ISLR2: variants seen among roughly 807,000 people sequenced by gnomAD.
ISLR2 encodes the protein immunoglobulin superfamily containing leucine rich repeat 2.
A neutral mutation model predicts 25.5 loss-of-function variants in ISLR2; 16 were observed. That is an observed-to-expected ratio of 0.63 (90% CI 0.43 to 0.95). The LOEUF is 0.95. Ranked by LOEUF, ISLR2 falls within the 40% of genes least tolerant of loss-of-function variation. The pLI, the probability that ISLR2 is intolerant of heterozygous loss-of-function variation, is 0.00. For missense variants in ISLR2, 883 were observed against 1,030.7 expected, an observed-to-expected ratio of 0.86 and a Z score of 1.96; for synonymous variants, 508 against 486.6, an observed-to-expected ratio of 1.04 and a Z score of -0.58.
chr15:74,120,599 G>A (rs775343097), intron 2 of ISLR2, among the ~76,000 whole-genome samples: 10 of 151,888 alleles, frequency 6.6e-5, no homozygotes, highest in African/African-American at 1.9e-4. Flanking sequence ...CTGGGTTTAC[G>A]GTGGTGCACT....
At position 74,133,922 on chromosome 15, in the gene ISLR2, G is replaced by A. The variant is rs1429763073; in HGVS notation, c.1168G>A (p.Gly390Arg). Residue 390 changes from glycine to arginine, a missense_variant, in exon 3 of 3, where the codon GGA becomes AGA. Gly to Arg is a moderately radical substitution (Grantham distance 125). Transcript: ENST00000453268. ...HAPGAGGEPDGQAPTSERKST... is the reference protein window; with the variant it reads ...HAPGAGGEPDRQAPTSERKST... ...GCCTGGCGCCGGGGGAGAACCCGAC[G>A]GACAGGCCCCGACCTCTGAGCGCAA... The A allele has an allele frequency of 1.2e-6, 2 of 1,603,888 alleles. No homozygotes were observed. Among genetic ancestry groups the A allele is most frequent in the African/African-American group, 1.3e-5 (1 of 74,920 alleles).
intron 1 of ISLR2, chr15:74,103,765 T>C (rs2072098581): frequency 7.2e-6 from 1 of 137,970 alleles, no homozygotes; most frequent in Non-Finnish European, 1.6e-5. Context: ...GTGGAGATAA[T>C]TGAATCATGG....
At chr15:74,106,934 C>T (rs1341140402) in intron 2 of ISLR2, among the ~76,000 whole-genome samples, 2 of 152,124 alleles carry the variant, frequency 1.3e-5, no homozygotes, top group Non-Finnish European at 2.9e-5. Context: ...CCTTCAGCTC[C>T]GAACTCGTAC....
In ISLR2 at chr15:74,134,795, G is replaced by A. The variant is rs777224671; in HGVS notation, c.2041G>A (p.Ala681Thr). The A allele has an allele frequency of 6.2e-7, 1 of 1,614,068 alleles. No individual in the cohort carries two copies. Among genetic ancestry groups the A allele is most frequent in the Non-Finnish European group, 8.5e-7 (1 of 1,179,978 alleles). ...DVQGEGLDED[A>T]EQGDPSGDLQ... Reference sequence around the variant, plus strand: ...GCAGGGGGAGGGCCTTGATGAAGACGCGGAGCAGGGAGACCCAAGTGGGGA... The same window carrying A: ...GCAGGGGGAGGGCCTTGATGAAGACACGGAGCAGGGAGACCCAAGTGGGGA... The change falls in exon 3 of 3, where the codon GCG becomes ACG. Residue 681 changes from alanine to threonine, a missense_variant. Physicochemically the swap from Ala to Thr is moderately conservative, Grantham distance 58. Transcript: ENST00000453268.
intron 2 of ISLR2, among the ~76,000 whole-genome samples, chr15:74,112,127 T>C (rs1335398973): frequency 1.3e-5 from 2 of 152,182 alleles, no homozygotes; most frequent in Non-Finnish European, 2.9e-5. Flanking sequence ...TAAATAAAAA[T>C]AATATTGATT....
rs372507045 is a variant in ISLR2 at position 74,132,805 on chromosome 15, C to G, written c.51C>G (p.Ala17=). The G allele has an allele frequency of 1.2e-6, 2 of 1,614,090 alleles. No homozygotes were observed. The highest frequency in any genetic ancestry group is 1.7e-6 in the Non-Finnish European group (2 of 1,179,958). The change falls in exon 3 of 3, where the codon GCC becomes GCG. Residue 17 remains alanine, a synonymous_variant. Coordinates refer to ENST00000453268, the MANE Select transcript of ISLR2 (RefSeq NM_020851.3). The surrounding 1 kb of genome is among the most constrained non-coding windows in gnomAD (Gnocchi z 4.3). ...TGGTCTGGGCGCTTCTAGGAGTGGC[C>G]GGATCATGCCCGGAGCCGTGCGCCT... ...LWLVWALLGV[A]GSCPEPCACV...
At chr15:74,103,568 G>T (rs1247692872) in intron 1 of ISLR2, among the ~76,000 whole-genome samples, 1 of 126,618 alleles carries the variant, frequency 7.9e-6, no homozygotes, top group Non-Finnish European at 1.6e-5. Context: ...GTTGCCATGA[G>T]CTGATATTGT....
At chr15:74,117,633 T>C (rs2072221062) in intron 2 of ISLR2, among the ~76,000 whole-genome samples, 1 of 152,094 alleles carries the variant, frequency 6.6e-6, no homozygotes, top group Non-Finnish European at 1.5e-5. Context: ...CAGAAAGCTA[T>C]GATTGTGCCA....
chr15:74,139,071 G>A (rs537044736), downstream of ISLR2, among the ~76,000 whole-genome samples: 4 of 152,354 alleles, frequency 2.6e-5, no homozygotes, highest in East Asian at 1.9e-4. Flanking sequence ...AGTGCCACTA[G>A]GGCAGGTGGA....
intron 2 of ISLR2, among the ~76,000 whole-genome samples, chr15:74,116,567 A>G (rs949059976): frequency 5.9e-5 from 9 of 152,210 alleles, no homozygotes; most frequent in African/African-American, 2.2e-4. Flanking sequence ...AGAAATTTGG[A>G]TCTACACAAA....
At chr15:74,122,271 ACTCT>A (rs1392258727) in intron 2 of ISLR2, among the ~76,000 whole-genome samples, 2 of 152,072 alleles carry the variant, frequency 1.3e-5, no homozygotes. Context: ...ATGCTGGGTG[ACTCT>A]CTGATCCTTG....
intron 2 of ISLR2, among the ~76,000 whole-genome samples, chr15:74,105,834 C>T (rs1373280879): frequency 1.3e-5 from 2 of 152,074 alleles, no homozygotes; most frequent in Non-Finnish European, 2.9e-5. Context: ...CCTCGAAAAC[C>T]AGTAGAACTT....
chr15:74,121,197 C>T (rs1448155802), intron 2 of ISLR2, among the ~76,000 whole-genome samples: 1 of 152,130 alleles, frequency 6.6e-6, no homozygotes. Context: ...CAATTCCCTC[C>T]CTCCTTGCCT....
At chr15:74,139,446 G>A (rs912894774), downstream of ISLR2, among the ~76,000 whole-genome samples, 7 of 152,002 alleles carry the variant, frequency 4.6e-5, no homozygotes, top group African/African-American at 1.7e-4. Context: ...ATTCCTCTCT[G>A]TTCTTTTTTG....
intron 2 of ISLR2, among the ~76,000 whole-genome samples, chr15:74,120,019 A>C (rs1356936191): frequency 1.3e-5 from 2 of 152,196 alleles, no homozygotes; most frequent in Non-Finnish European, 2.9e-5. Context: ...AAAGGGAATA[A>C]AGAGGAACAT....
chr15:74,128,928 C>G, upstream of ISLR2: 1 of 435,540 alleles, frequency 2.3e-6, no homozygotes, highest in Non-Finnish European at 4.6e-6. Context: ...GCCTCCTTCT[C>G]CCGACCCCAC....
chr15:74,134,362 G>T lies in ISLR2; in HGVS notation c.1608G>T (p.Gly536=). The change falls in exon 3 of 3, where the codon GGG becomes GGT. Residue 536 remains glycine (G), a synonymous_variant. Coordinates refer to ENST00000453268, the MANE Select transcript of ISLR2 (RefSeq NM_020851.3). ...GCCTACTCTATCTGTGTCCAGCGGG[G>T]GGCGGCGCGGCAGTGCAGTGGTCCC... ...PLRLLYLCPA[G]GGAAVQWSRV... 1.2e-6 allele frequency: 2 copies of T among 1,600,590 alleles called. No homozygotes were observed. Among genetic ancestry groups the T allele is most frequent in the Non-Finnish European group, 8.5e-7 (1 of 1,175,680 alleles).
rs776800223 is a variant in ISLR2 at position 74,134,900 on chromosome 15, G to T, written c.2146G>T (p.Gly716Cys). 6.2e-7 allele frequency: 1 copy of T among 1,614,102 alleles called. No individual in the cohort carries two copies. Among genetic ancestry groups the T allele is most frequent in the Non-Finnish European group, 8.5e-7 (1 of 1,180,022 alleles). Residue 716 changes from glycine (G) to cysteine (C), a missense_variant, in exon 3 of 3, where the codon GGC (glycine) becomes TGC (cysteine). Gly to Cys is a radical substitution (Grantham distance 159). This residue lies in a region of ISLR2 where 612 missense variants were observed against 642.8 expected (regional missense o/e 0.95). Coordinates refer to ENST00000453268, the MANE Select transcript of ISLR2 (RefSeq NM_020851.3). ...SKANQEEFEAGSEYSDRLPLG... is the reference protein window; with the variant it reads ...SKANQEEFEACSEYSDRLPLG... Reference sequence around the variant, plus strand: ...GGCCAACCAAGAGGAGTTCGAGGCGGGCTCTGAGTACAGCGATCGGCTGCC... The same window carrying T: ...GGCCAACCAAGAGGAGTTCGAGGCGTGCTCTGAGTACAGCGATCGGCTGCC...
At chr15:74,121,517 TGAG>T (rs2072252373) in intron 2 of ISLR2, among the ~76,000 whole-genome samples, 1 of 151,856 alleles carries the variant, frequency 6.6e-6, no homozygotes, top group African/African-American at 2.4e-5. Context: ...GGGACAGGCT[TGAG>T]GAGTGAGAAT....
Sources: gnomAD v4.1 joint callset for allele counts (sites outside exome capture counted in the v4.1 genomes callset) on GRCh38, gnomAD v4.1.1 for gene constraint, gnomAD v4.1.1 regional missense constraint, Gnocchi (gnomAD v3.1) non-coding constraint, MANE v1.5 for transcripts, NCBI Gene and HGNC (gene_info 2026-07-23, HGNC 2026-07-21) for gene names.